FER: variants seen among roughly 807,000 people sequenced by gnomAD.
FER encodes FER tyrosine kinase.
A neutral mutation model predicts 111.0 loss-of-function variants in FER; 63 were observed. The observed-to-expected ratio is 0.57, with a 90% CI of 0.46 to 0.70. The LOEUF (loss-of-function observed/expected upper bound fraction) is 0.70, where lower values mean the gene tolerates loss of function less well. FER is among the 30% of genes least tolerant of loss of function. The probability of loss-of-function intolerance (pLI) is 0.00; values close to 1 mark genes in which losing one functional copy is unlikely to be tolerated. For synonymous variants in FER, 327 were observed against 313.9 expected, an observed-to-expected ratio of 1.04 and a Z score of -0.44; for missense variants, 914 against 954.0, an observed-to-expected ratio of 0.96 and a Z score of 0.55.
chr5:109,017,895 A>C (rs907157289), intron 13 of FER, among the ~76,000 whole-genome samples: 1 of 151,794 alleles, frequency 6.6e-6, no homozygotes, highest in Non-Finnish European at 1.5e-5. Flanking sequence ...TTCCCTGACA[A>C]CCTCCATCTG....
chr5:108,928,298 G>A (rs1030639137), intron 10 of FER, among the ~76,000 whole-genome samples: 2 of 152,090 alleles, frequency 1.3e-5, no homozygotes, highest in Non-Finnish European at 2.9e-5. Context: ...TGAAGGCCTG[G>A]TACTTACCCT....
chr5:108,778,038 G>C (rs1753683558), intron 2 of FER, among the ~76,000 whole-genome samples: 1 of 152,080 alleles, frequency 6.6e-6, no homozygotes, highest in Non-Finnish European at 1.5e-5. Context: ...ATGTCATATA[G>C]GTATAATTGT....
intron 17 of FER, among the ~76,000 whole-genome samples, chr5:109,172,733 C>G (rs961467109): frequency 6.6e-6 from 1 of 151,964 alleles, no homozygotes; most frequent in Non-Finnish European, 1.5e-5. Context: ...CACCAAGTTC[C>G]TTTAGACCAG....
intron 16 of FER, among the ~76,000 whole-genome samples, chr5:109,056,248 G>A (rs1221060754): frequency 2.0e-5 from 3 of 152,108 alleles, no homozygotes; most frequent in East Asian, 1.9e-4. Context: ...TTTAATCACC[G>A]CTTGTAAAGA....
intron 10 of FER, among the ~76,000 whole-genome samples, chr5:108,904,413 G>A (rs144309362): frequency 1.3e-5 from 2 of 152,166 alleles, no homozygotes; most frequent in African/African-American, 4.8e-5. Flanking sequence ...ACTGCTTGGG[G>A]TGAGAATATT....
At chr5:109,019,186 T>G (rs1014378391) in intron 13 of FER, among the ~76,000 whole-genome samples, 19 of 151,716 alleles carry the variant, frequency 1.3e-4, no homozygotes, top group African/African-American at 4.3e-4. Flanking sequence ...TGTATGCTAT[T>G]TTGGTTTTGG....
At chr5:109,119,555 G>A (rs1395622807) in intron 17 of FER, among the ~76,000 whole-genome samples, 1 of 152,052 alleles carries the variant, frequency 6.6e-6, no homozygotes, top group Non-Finnish European at 1.5e-5. Flanking sequence ...TTCAATTCCT[G>A]GATATCCTTG....
chr5:108,844,448 G>T (rs936758542), intron 5 of FER, among the ~76,000 whole-genome samples: 1 of 152,096 alleles, frequency 6.6e-6, no homozygotes, highest in Admixed American at 6.6e-5. Flanking sequence ...CCATGTAGAA[G>T]AATTGCCCTT....
chr5:108,944,808 A>T (rs1041792273), intron 10 of FER, among the ~76,000 whole-genome samples: 8 of 147,056 alleles, frequency 5.4e-5, no homozygotes, highest in Non-Finnish European at 1.2e-4. Context: ...ATTTTTGATA[A>T]TATGTTTTTA....
intron 18 of FER, among the ~76,000 whole-genome samples, chr5:109,184,262 G>A (rs1353362473): frequency 2.6e-5 from 4 of 152,114 alleles, no homozygotes; most frequent in Non-Finnish European, 4.4e-5. Flanking sequence ...TGGGAGGGAG[G>A]CAGAATTTTT....
At chr5:108,985,245 T>C (rs1356036477) in intron 13 of FER, among the ~76,000 whole-genome samples, 2 of 152,142 alleles carry the variant, frequency 1.3e-5, no homozygotes, top group Non-Finnish European at 2.9e-5. Context: ...AATATAGCTC[T>C]GAATAGATTT....
chr5:108,751,419 C>G (rs1334477475), intron 1 of FER, among the ~76,000 whole-genome samples: 2 of 152,004 alleles, frequency 1.3e-5, no homozygotes, highest in Admixed American at 1.3e-4. Flanking sequence ...AATCAAGGCC[C>G]AAATAAGTAA....
At chr5:108,996,023 T>A (rs925870523) in intron 13 of FER, among the ~76,000 whole-genome samples, 2 of 152,272 alleles carry the variant, frequency 1.3e-5, no homozygotes, top group African/African-American at 4.8e-5. Flanking sequence ...CCAGTGATAA[T>A]GAGCTTTTCT....
chr5:108,803,008 G>GT (rs1269149768), intron 3 of FER, among the ~76,000 whole-genome samples: 2 of 151,920 alleles, frequency 1.3e-5, no homozygotes, highest in Non-Finnish European at 2.9e-5. Flanking sequence ...AGCATGTGTT[G>GT]TTTTTTTGAC....
At chr5:108,915,717 G>T (rs768045604) in intron 10 of FER, among the ~76,000 whole-genome samples, 23 of 151,640 alleles carry the variant, frequency 1.5e-4, no homozygotes, top group Non-Finnish European at 3.4e-4. Flanking sequence ...AGAGGGAAAA[G>T]GAGATATGTG....
chr5:109,077,308 A>G (rs959097215), intron 16 of FER, among the ~76,000 whole-genome samples: 1 of 152,202 alleles, frequency 6.6e-6, no homozygotes, highest in Non-Finnish European at 1.5e-5. Flanking sequence ...TTTTACATCA[A>G]TCTTGATTTT....
chr5:108,867,700 A>G, intron 5 of FER, 67 bp from the exon 6 acceptor site: 1 of 1,415,346 alleles, frequency 7.1e-7, no homozygotes, highest in Admixed American at 2.3e-5. Flanking sequence ...TTCAGTTTGT[A>G]TGTAGTGAAG....
chr5:109,130,038 A>G (rs78341733), intron 17 of FER, among the ~76,000 whole-genome samples: 355 of 148,786 alleles, frequency 2.4e-3, no homozygotes, highest in African/African-American at 8.5e-3. Context: ...TAGAAGGACA[A>G]TGTATTAATA....
intron 10 of FER, among the ~76,000 whole-genome samples, chr5:108,921,721 A>G (rs867719239): frequency 1.3e-5 from 2 of 152,182 alleles, no homozygotes; most frequent in South Asian, 2.1e-4. Context: ...AGGTTACTAA[A>G]TGTTAAGTCA....
Sources: allele counts gnomAD v4.1 joint callset (sites outside exome capture counted in the v4.1 genomes callset), GRCh38; gene constraint gnomAD v4.1.1; transcripts MANE v1.5; gene names NCBI Gene and HGNC (gene_info 2026-07-23, HGNC 2026-07-21).